Variants in CMSS1 observed in about 807,000 individuals in gnomAD.
The protein encoded by CMSS1 is protein CMSS1.
Under a neutral mutation model 43.5 loss-of-function variants are expected in CMSS1, and 33 were observed. The ratio of observed to expected loss-of-function variants is 0.76; its 90% CI spans 0.57 to 1.01. The LOEUF (loss-of-function observed/expected upper bound fraction) is 1.01. Among genes scored for constraint, CMSS1 ranks in the 50% least tolerant of loss-of-function variants. The probability of loss-of-function intolerance (pLI) is 0.00; values close to 1 mark genes in which losing one functional copy is unlikely to be tolerated. For synonymous variants in CMSS1, 115 were observed against 117.2 expected (o/e 0.98, Z 0.12); for missense variants, 313 against 326.4 (o/e 0.96, Z 0.32).
chr3:99,880,827 T>A (rs899876029), intron 1 of CMSS1, among the ~76,000 whole-genome samples: 1 of 152,228 alleles, frequency 6.6e-6, no homozygotes, highest in Non-Finnish European at 1.5e-5. Flanking sequence ...TTTTAGTCTT[T>A]TTCTAAGCAT....
chr3:99,880,593 G>A (rs1705692664), intron 1 of CMSS1, among the ~76,000 whole-genome samples: 1 of 152,082 alleles, frequency 6.6e-6, no homozygotes, highest in Non-Finnish European at 1.5e-5. Context: ...TGTGATGCTA[G>A]GGAATGGGAA....
chr3:99,875,696 C>T (rs187374220), intron 1 of CMSS1, among the ~76,000 whole-genome samples: 1 of 152,112 alleles, frequency 6.6e-6, no homozygotes, highest in Non-Finnish European at 1.5e-5. Flanking sequence ...GTAAGACAAG[C>T]GAGTTTGAGT....
intron 1 of CMSS1, among the ~76,000 whole-genome samples, chr3:100,120,074 A>G (rs1288076058): frequency 6.6e-6 from 1 of 152,196 alleles, no homozygotes; most frequent in Non-Finnish European, 1.5e-5. Flanking sequence ...AAATGAGGAA[A>G]ACATGTTCTT....
intron 1 of CMSS1, among the ~76,000 whole-genome samples, chr3:100,107,606 G>A (rs575790070): frequency 6.6e-6 from 1 of 152,088 alleles, no homozygotes; most frequent in South Asian, 2.1e-4. Flanking sequence ...TTTTAAATTA[G>A]GAAAGAACAA....
intron 1 of CMSS1, among the ~76,000 whole-genome samples, chr3:99,859,028 A>G (rs932027434): frequency 6.6e-6 from 1 of 152,232 alleles, no homozygotes; most frequent in Non-Finnish European, 1.5e-5. Context: ...CTCTGCCTTC[A>G]AATGTTCTCT....
At chr3:99,818,523 A>T (rs1236125252) in intron 1 of CMSS1, among the ~76,000 whole-genome samples, 1 of 152,242 alleles carries the variant, frequency 6.6e-6, no homozygotes, top group Non-Finnish European at 1.5e-5. Context: ...TGTGAAGATT[A>T]AGTGAAGTTA....
chr3:99,853,119 GCTT>G (rs527801661), intron 1 of CMSS1, among the ~76,000 whole-genome samples: 93 of 152,310 alleles, frequency 6.1e-4, no homozygotes, highest in Non-Finnish European at 1.1e-3. Context: ...AAGCATAGCA[GCTT>G]CTTCTCAAAT....
chr3:100,151,508 G>A (rs1278262466), intron 2 of CMSS1, among the ~76,000 whole-genome samples: 2 of 152,148 alleles, frequency 1.3e-5, no homozygotes, highest in Admixed American at 6.5e-5. Context: ...GCCTCACAGC[G>A]TTGCAGTTGC....
At chr3:99,983,622 G>A (rs1417772755) in intron 1 of CMSS1, among the ~76,000 whole-genome samples, 5 of 147,072 alleles carry the variant, frequency 3.4e-5, no homozygotes, top group African/African-American at 7.6e-5. Context: ...CCGGGGAGGC[G>A]GAGGTTGCCA....
At chr3:99,969,433 G>A (rs1236506237) in intron 1 of CMSS1, among the ~76,000 whole-genome samples, 2 of 152,098 alleles carry the variant, frequency 1.3e-5, no homozygotes, top group Admixed American at 6.5e-5. Context: ...TTATATAGTT[G>A]CGTCAATCTG....
intron 1 of CMSS1, among the ~76,000 whole-genome samples, chr3:99,879,332 G>A (rs562150722): frequency 5.9e-5 from 9 of 152,312 alleles, no homozygotes; most frequent in Admixed American, 2.6e-4. Context: ...AGTTTCCCTG[G>A]TTCGAGCTAA....
intron 1 of CMSS1, among the ~76,000 whole-genome samples, chr3:99,888,556 G>A (rs1414210966): frequency 3.3e-5 from 5 of 152,198 alleles, no homozygotes; most frequent in Admixed American, 2.6e-4. Context: ...GGTTGGTTTT[G>A]TAGAGGTGCC....
At chr3:100,078,850 C>G (rs1427422184) in intron 1 of CMSS1, among the ~76,000 whole-genome samples, 2 of 152,126 alleles carry the variant, frequency 1.3e-5, no homozygotes, top group Non-Finnish European at 2.9e-5. Context: ...AAGATCACAC[C>G]ACTGCACTCC....
chr3:100,073,915 A>G (rs191162367), intron 1 of CMSS1, among the ~76,000 whole-genome samples: 315 of 152,228 alleles, frequency 2.1e-3, no homozygotes, highest in Non-Finnish European at 3.6e-3. Flanking sequence ...TGCCCACTGA[A>G]GTTTTCACAG....
intron 1 of CMSS1, among the ~76,000 whole-genome samples, chr3:99,953,850 A>G (rs1404015473): frequency 1.3e-5 from 2 of 152,124 alleles, no homozygotes; most frequent in Non-Finnish European, 2.9e-5. Flanking sequence ...GTCTTCCTTG[A>G]TCCACAAATA....
At chr3:99,920,218 A>C (rs1398571472) in intron 1 of CMSS1, among the ~76,000 whole-genome samples, 2 of 152,254 alleles carry the variant, frequency 1.3e-5, no homozygotes, top group Non-Finnish European at 2.9e-5. Context: ...AGTTTGTTTT[A>C]GAATTCTAAG....
At chr3:100,112,034 GCA>G (rs2066500203) in intron 1 of CMSS1, among the ~76,000 whole-genome samples, 2 of 152,124 alleles carry the variant, frequency 1.3e-5, no homozygotes, top group Admixed American at 6.6e-5. Context: ...ACGGGGCCTG[GCA>G]CAGAGTAGGC....
intron 1 of CMSS1, among the ~76,000 whole-genome samples, chr3:99,984,040 G>A (rs1056911831): frequency 7.3e-5 from 11 of 151,640 alleles, no homozygotes; most frequent in Admixed American, 5.9e-4. Context: ...GCATGAAAAA[G>A]GATGTATATG....
At position 100,166,366 on chromosome 3, in the gene CMSS1, TCA is replaced by T; in HGVS notation, c.390_391del (p.His130GlnfsTer12). 1.3e-6 allele frequency: 2 copies of T among 1,596,872 alleles called. No individual in the cohort carries two copies. Among genetic ancestry groups the T allele is most frequent in the Non-Finnish European group, 1.7e-6 (2 of 1,164,680 alleles). On this transcript the variant is annotated frameshift_variant, in exon 5 of 10. Transcript: ENST00000421999. LOFTEE classifies it high-confidence loss of function. ...SCFLKANDLT[H>X]SLSSYLKEIC... Reference sequence around the variant, plus strand: ...GTTTCCTCAAGGCCAATGATTTGACTCACAGTCTTTCCTCATACCTAAAAGAA... The same window carrying T: ...GTTTCCTCAAGGCCAATGATTTGACTCAGTCTTTCCTCATACCTAAAAGAA...
Sources: allele counts gnomAD v4.1 joint callset (sites outside exome capture counted in the v4.1 genomes callset), GRCh38; gene constraint gnomAD v4.1.1; transcripts MANE v1.5; gene names NCBI Gene and HGNC (gene_info 2026-07-23, HGNC 2026-07-21).